Variants in ATP9B observed in about 807,000 individuals in gnomAD.
ATP9B encodes the protein probable phospholipid-transporting ATPase IIB.
A neutral mutation model predicts 146.1 loss-of-function variants in ATP9B; 110 were observed. That is an observed-to-expected ratio of 0.75 (90% CI 0.65 to 0.88). ATP9B has a LOEUF of 0.88. ATP9B is among the 40% of genes least tolerant of loss of function. The pLI is 0.00. For synonymous variants in ATP9B, 604 were observed against 569.7 expected, an observed-to-expected ratio of 1.06 and a Z score of -0.86; for missense variants, 1,499 against 1,496.4, an observed-to-expected ratio of 1.00 and a Z score of -0.03.
At chr18:79,117,913 CAAT>C (rs1238303776) in intron 4 of ATP9B, 1 of 152,082 alleles carries the variant, frequency 6.6e-6, no homozygotes, top group Non-Finnish European at 1.5e-5. Flanking sequence ...AAACAATATG[CAAT>C]ATTATTTTGT....
At chr18:79,154,306 G>A (rs1203103404) in intron 6 of ATP9B, among the ~76,000 whole-genome samples, 198 bp from the exon 7 acceptor site, 2 of 151,450 alleles carry the variant, frequency 1.3e-5, no homozygotes, top group Non-Finnish European at 2.9e-5. Flanking sequence ...CTCACTTATG[G>A]GGAAAAAAAT....
At chr18:79,256,046 C>T (rs1226647027) in intron 12 of ATP9B, among the ~76,000 whole-genome samples, 1 of 151,750 alleles carries the variant, frequency 6.6e-6, no homozygotes, top group Non-Finnish European at 1.5e-5. Flanking sequence ...TATAAATATT[C>T]CATGTGTGCT....
chr18:79,237,611 A>G (rs1478385605), intron 11 of ATP9B, among the ~76,000 whole-genome samples: 2 of 149,800 alleles, frequency 1.3e-5, no homozygotes, highest in Non-Finnish European at 3.0e-5. Flanking sequence ...TTTTTCAATA[A>G]TGTCTTATGA....
At chr18:79,114,297 G>T (rs113061262) in intron 4 of ATP9B, among the ~76,000 whole-genome samples, 5 of 152,170 alleles carry the variant, frequency 3.3e-5, no homozygotes, top group African/African-American at 1.2e-4. Flanking sequence ...CTTTTGGGCA[G>T]ATGACCCGAG....
intron 15 of ATP9B, among the ~76,000 whole-genome samples, chr18:79,321,165 A>T (rs925030095): frequency 4.6e-5 from 7 of 152,216 alleles, no homozygotes. Flanking sequence ...TACGTGCTGC[A>T]GAGCTGCAGA....
chr18:79,126,146 A>G, intron 4 of ATP9B, 121 bp from the exon 5 acceptor site: 1 of 767,800 alleles, frequency 1.3e-6, no homozygotes, highest in Non-Finnish European at 2.0e-6. Context: ...TTTGGTTTTC[A>G]TTTATTTTAT....
intron 15 of ATP9B, among the ~76,000 whole-genome samples, chr18:79,327,351 C>A (rs921108975): frequency 1.4e-4 from 21 of 152,294 alleles, no homozygotes; most frequent in Middle Eastern, 3.4e-3. Flanking sequence ...GGCAGGCCTG[C>A]AGAACAGAGA....
In ATP9B at chr18:79,377,423, T is replaced by C; in HGVS notation, c.*40T>C. 1 of 1,598,364 alleles carries C rather than the reference T, an allele frequency of 6.3e-7. No individual in the cohort carries two copies. On this transcript the variant is annotated 3_prime_UTR_variant, in exon 30 of 30. Transcript: ENST00000426216. Reference sequence around the variant, plus strand: ...CCAGCGGGCTGGCCCCAGCACCTTCTGCCCTTCCCAGCACCTTGTGCCCTT... The same window carrying C: ...CCAGCGGGCTGGCCCCAGCACCTTCCGCCCTTCCCAGCACCTTGTGCCCTT...
chr18:79,104,070 C>G (rs1037582680), intron 2 of ATP9B, among the ~76,000 whole-genome samples: 1 of 152,172 alleles, frequency 6.6e-6, no homozygotes, highest in African/African-American at 2.4e-5. Context: ...ACCTAAAGCC[C>G]TTCCTTTTTG....
chr18:79,074,575 T>C lies in ATP9B; in HGVS notation c.119+5046T>C, dbSNP rs1334142658. Among the ~76,000 whole-genome samples the C allele has an allele frequency of 2.6e-5, 4 of 152,258 alleles. No individual in the cohort carries two copies. In the East Asian group the frequency reaches 5.8e-4, roughly 22 times the overall value. ...GGGCATGAGGGGCACAGAGCCTTAC[T>C]GGGCCAGCAGCTTGTAGTGGCAAGT... On this transcript the variant is annotated intron_variant, in intron 1 of 29. Transcript: ENST00000426216.
chr18:79,123,847 G>A (rs2094232735), intron 4 of ATP9B, among the ~76,000 whole-genome samples: 1 of 152,148 alleles, frequency 6.6e-6, no homozygotes, highest in Non-Finnish European at 1.5e-5. Flanking sequence ...AAAAAGGTAG[G>A]TAAAGGATCT....
chr18:79,182,573 C>T (rs2095263101), intron 8 of ATP9B, among the ~76,000 whole-genome samples: 1 of 152,138 alleles, frequency 6.6e-6, no homozygotes, highest in African/African-American at 2.4e-5. Context: ...CCCTGGGGCA[C>T]TGTATCTAGT....
intron 29 of ATP9B, chr18:79,375,722 G>T (rs2097098628): frequency 1.0e-6 from 1 of 985,264 alleles, no homozygotes; most frequent in African/African-American, 1.7e-5. Context: ...AGTTGTAGGG[G>T]CTGAGCTGCT....
intron 15 of ATP9B, among the ~76,000 whole-genome samples, chr18:79,316,216 A>T (rs1255689333): frequency 6.6e-6 from 1 of 152,228 alleles, no homozygotes; most frequent in Non-Finnish European, 1.5e-5. Flanking sequence ...GACTGAGTAA[A>T]GAAAAATCTA....
At chr18:79,100,480 T>C (rs1395011571) in intron 2 of ATP9B, among the ~76,000 whole-genome samples, 1 of 152,246 alleles carries the variant, frequency 6.6e-6, no homozygotes, top group Non-Finnish European at 1.5e-5. Flanking sequence ...TAATTGTTCC[T>C]CTTTTATCTT....
chr18:79,246,045 C>T (rs1294187014), intron 11 of ATP9B, among the ~76,000 whole-genome samples: 1 of 68,064 alleles, frequency 1.5e-5, no homozygotes, highest in East Asian at 5.7e-4. Context: ...GCCCTACTGA[C>T]TGTGCGGAGG....
intron 7 of ATP9B, among the ~76,000 whole-genome samples, chr18:79,163,457 C>G (rs1427077330): frequency 6.6e-6 from 1 of 152,026 alleles, no homozygotes; most frequent in African/African-American, 2.4e-5. Flanking sequence ...AATAGAAAAT[C>G]TAGAGTAGAG....
chr18:79,334,788 C>A (rs1176704813), intron 17 of ATP9B, among the ~76,000 whole-genome samples: 3 of 151,430 alleles, frequency 2.0e-5, no homozygotes, highest in Admixed American at 6.6e-5. Flanking sequence ...CGCCCACCCC[C>A]CCCTTGTGCC....
intron 1 of ATP9B, among the ~76,000 whole-genome samples, chr18:79,075,282 G>T (rs1407850133): frequency 6.6e-6 from 1 of 152,174 alleles, no homozygotes; most frequent in Non-Finnish European, 1.5e-5. Flanking sequence ...CTCCAGAGTA[G>T]CTGGGATAGT....
Sources: gnomAD v4.1 joint callset for allele counts (sites outside exome capture counted in the v4.1 genomes callset) on GRCh38, gnomAD v4.1.1 for gene constraint, MANE v1.5 for transcripts, NCBI Gene and HGNC (gene_info 2026-07-23, HGNC 2026-07-21) for gene names.